TMEM106B: variants seen among roughly 807,000 people sequenced by gnomAD.
The protein encoded by TMEM106B is transmembrane protein 106B.
TMEM106B carries 15 observed loss-of-function variants against 31.1 expected under a neutral mutation model. That is an observed-to-expected ratio of 0.48 (90% CI 0.32 to 0.74). The LOEUF is 0.74. Among genes scored for constraint, TMEM106B ranks in the 30% least tolerant of loss-of-function variants. The probability of loss-of-function intolerance (pLI) is 0.03; values close to 1 mark genes in which losing one functional copy is unlikely to be tolerated. For missense variants in TMEM106B, 283 were observed against 327.3 expected (o/e 0.86, Z 1.04); for synonymous variants, 126 against 112.5 (o/e 1.12, Z -0.76).
intron 4 of TMEM106B, among the ~76,000 whole-genome samples, chr7:12,226,280 T>C (rs1184405120): frequency 6.6e-6 from 1 of 152,194 alleles, no homozygotes; most frequent in African/African-American, 2.4e-5. Context: ...TGTAGCCTTG[T>C]AGTATAGTTT....
rs1000085553 is a variant in TMEM106B, at chr7:12,222,785, T to C, written c.282-1441T>C. ...GACTTAGCAAATTTGTGTTTGCTTG[T>C]ATTATTTTGTTTTTTAATAAACCAG... On this transcript the variant is annotated intron_variant, in intron 3 of 7. Transcript: ENST00000396668. 4.6e-5 allele frequency among the ~76,000 whole-genome samples: 7 copies of C among 152,340 alleles called. No individual in the cohort carries two copies. In the East Asian group the frequency reaches 1.2e-3, roughly 25 times the overall value.
At chr7:12,230,579 T>A (rs1418787226) in intron 6 of TMEM106B, 141 bp downstream of exon 6, 1 of 551,126 alleles carries the variant, frequency 1.8e-6, no homozygotes, top group Non-Finnish European at 3.1e-6. Context: ...TGGTCCTCTC[T>A]GTTCCTCTTT....
intron 4 of TMEM106B, among the ~76,000 whole-genome samples, chr7:12,227,820 A>C (rs1245717989): frequency 6.6e-6 from 1 of 151,782 alleles, no homozygotes; most frequent in Non-Finnish European, 1.5e-5. Context: ...TTTATTACTA[A>C]ATTTTTATTT....
chr7:12,224,330 A>G lies in TMEM106B; in HGVS notation c.386A>G (p.Lys129Arg), dbSNP rs150868186. Residue 129 changes from lysine (K) to arginine (R), a missense_variant, in exon 4 of 8, where the codon AAA becomes AGA. Physicochemically the swap from Lys to Arg is conservative, Grantham distance 26 (BLOSUM62 2). This residue lies in a region of TMEM106B where 201 missense variants were observed against 211.5 expected (regional missense o/e 0.95). Transcript: ENST00000396668. ...ATCGACGTGAAATACATTGGTGTAA[A>G]ATCAGCCTATGTCAGTTATGATGTT... ...RSIDVKYIGV[K>R]SAYVSYDVQK... is the part of the protein sequence containing the mutation. The G allele has an allele frequency of 1.2e-5, 19 of 1,613,862 alleles. No individual in the cohort carries two copies. The highest frequency in any genetic ancestry group is 1.4e-5 in the Non-Finnish European group (17 of 1,179,908).
intron 7 of TMEM106B, 140 bp downstream of exon 7, chr7:12,231,255 T>C: frequency 1.7e-6 from 1 of 593,508 alleles, no homozygotes; most frequent in Non-Finnish European, 3.0e-6. Flanking sequence ...TGAGTAAATA[T>C]CACCCACTTT....
At chr7:12,215,656 G>T in intron 2 of TMEM106B, 1 of 377,684 alleles carries the variant, frequency 2.6e-6, no homozygotes, top group Non-Finnish European at 5.7e-6. Flanking sequence ...GGGCTCAAGC[G>T]ATCATCCAGC....
At chr7:12,223,520 G>A (rs1240775329) in intron 3 of TMEM106B, among the ~76,000 whole-genome samples, 4 of 149,368 alleles carry the variant, frequency 2.7e-5, no homozygotes, top group Non-Finnish European at 5.9e-5. Flanking sequence ...TGGTTCTGAT[G>A]AGCAGTCACT....
chr7:12,241,638 A>T lies in TMEM106B; in HGVS notation c.*9663A>T, dbSNP rs954773414. 3 of 152,228 alleles carry T rather than the reference A, an allele frequency of 2.0e-5. No individual in the cohort carries two copies. The highest frequency in any genetic ancestry group is 7.2e-5 in the African/African-American group (3 of 41,508). 9.4% of individuals were successfully genotyped at this position (152,228 alleles called of 1,614,324 possible). A position where few individuals can be genotyped will look rare whatever the true frequency, so the allele number is the denominator to read the frequency against. On this transcript the variant is annotated 3_prime_UTR_variant, in exon 8 of 8. Transcript: ENST00000396668. The stretch of plus-strand genomic sequence containing the variant: ...GGTGTATATATGCCACATTTTCTTT[A>T]TCCAGTCTATCATTGATGGACATTT...
Position 12,236,057 on chromosome 7 carries a change from C to A in TMEM106B, c.*4082C>A, listed in dbSNP as rs1782129194. The stretch of plus-strand genomic sequence containing the variant: ...GGAGTAAAAAGACTGTTAAACATTT[C>A]TTTTAAAAAATTATTTTTACATTAC... On this transcript the variant is annotated 3_prime_UTR_variant, in exon 8 of 8. Transcript: ENST00000396668. The A allele has an allele frequency of 6.6e-6, 1 of 151,786 alleles. No homozygotes were observed. The highest frequency in any genetic ancestry group is 2.1e-4 in the South Asian group (1 of 4,826). 9.4% of individuals were successfully genotyped at this position (151,786 alleles called of 1,614,324 possible). A position where few individuals can be genotyped will look rare whatever the true frequency, so the allele number is the denominator to read the frequency against.
intron 2 of TMEM106B, among the ~76,000 whole-genome samples, chr7:12,217,560 G>A (rs191543006): frequency 2.0e-5 from 3 of 152,254 alleles, no homozygotes; most frequent in Non-Finnish European, 2.9e-5. Flanking sequence ...TATATGCATA[G>A]GAGCCAGAGG....
At position 12,237,810 on chromosome 7, in the gene TMEM106B, T is replaced by TACACACAC. The variant is rs1441274612; in HGVS notation, c.*5836_*5837insCACACACA. ...ACATGGCGAGACCCCATATAAAATA[T>TACACACAC]ATACATACACACACACACACACACA... On this transcript the variant is annotated 3_prime_UTR_variant, in exon 8 of 8. Coordinates refer to ENST00000396668, the MANE Select transcript of TMEM106B (RefSeq NM_001134232.2). The TACACACAC allele has an allele frequency of 0.019, 2,197 of 117,824 alleles. 33 individuals are homozygous for TACACACAC. The highest frequency in any genetic ancestry group is 0.062 in the East Asian group (279 of 4,468). 7.3% of individuals were successfully genotyped at this position (117,824 alleles called of 1,614,324 possible).
chr7:12,230,410 G>C lies in TMEM106B; in HGVS notation c.604G>C (p.Val202Leu). The change falls in exon 6 of 8, where the codon GTT becomes CTT. Residue 202 changes from valine (V) to leucine (L), a missense_variant. This residue lies in a region of TMEM106B where 201 missense variants were observed against 211.5 expected (regional missense o/e 0.95). Transcript: ENST00000396668. ...MKQIDYTVPT[V>L]IAEEMSYMYD... is the part of the protein sequence containing the mutation. ...TCAGATTGATTACACAGTACCTACC[G>C]TTATAGCAGAGGAAATGAGTTATAT... 1 of 1,602,666 alleles carries C rather than the reference G, an allele frequency of 6.2e-7. No homozygotes were observed. Among genetic ancestry groups the C allele is most frequent in the Non-Finnish European group, 8.5e-7 (1 of 1,172,672 alleles).
rs1051035527 is a variant in TMEM106B at position 12,240,911 on chromosome 7, T to G, written c.*8936T>G. On this transcript the variant is annotated 3_prime_UTR_variant, in exon 8 of 8. Transcript: ENST00000396668. ...ACTTCTTCAGTGATAACTTACTGAG[T>G]GTGATTCAACAAAACTGCTTTGGTT... The G allele has an allele frequency of 5.9e-5, 9 of 152,146 alleles. No homozygotes were observed. The highest frequency in any genetic ancestry group is 8.8e-5 in the Non-Finnish European group (6 of 68,028). The allele number at this position is 152,146 out of a possible 1,614,324, so 9.4% of individuals were successfully genotyped here.
chr7:12,231,827 T>C lies in TMEM106B; in HGVS notation c.687-10T>C. 6.3e-7 allele frequency: 1 copy of C among 1,587,778 alleles called. No individual in the cohort carries two copies. The highest frequency in any genetic ancestry group is 8.6e-7 in the Non-Finnish European group (1 of 1,162,344). ...TATTAAATGTCTCTCCTCACTTACA[T>C]TATTTTTAGAGTTACTGTGACAACA... On this transcript the variant is annotated splice_polypyrimidine_tract_variant and intron_variant, in intron 7 of 7. Transcript: ENST00000396668.
At chr7:12,225,325 C>T (rs996315465) in intron 4 of TMEM106B, among the ~76,000 whole-genome samples, 2 of 152,156 alleles carry the variant, frequency 1.3e-5, no homozygotes, top group Non-Finnish European at 2.9e-5. Context: ...CTGCAATAAA[C>T]ATAACGTGTT....
intron 3 of TMEM106B, among the ~76,000 whole-genome samples, chr7:12,218,763 A>G (rs1260470036): frequency 6.6e-6 from 1 of 152,164 alleles, no homozygotes; most frequent in Non-Finnish European, 1.5e-5. Context: ...GATCTAGAAT[A>G]GCAGTACAAA....
chr7:12,237,956 T>C lies in TMEM106B; in HGVS notation c.*5981T>C, dbSNP rs1782173066. 1 of 152,224 alleles carries C rather than the reference T, an allele frequency of 6.6e-6. No individual in the cohort carries two copies. The highest frequency in any genetic ancestry group is 1.5e-5 in the Non-Finnish European group (1 of 68,092). 9.4% of individuals were successfully genotyped at this position (152,224 alleles called of 1,614,324 possible). On this transcript the variant is annotated 3_prime_UTR_variant, in exon 8 of 8. Coordinates refer to ENST00000396668, the MANE Select transcript of TMEM106B (RefSeq NM_001134232.2). The stretch of plus-strand genomic sequence containing the variant: ...TGGATGTTGTTTGCTGATAGATCCA[T>C]GTAGTGGTTACTAAAGTTGGGGTGG...
chr7:12,233,150 C>T lies in TMEM106B; in HGVS notation c.*1175C>T. 1 of 150,510 alleles carries T rather than the reference C, an allele frequency of 6.6e-6. No homozygotes were observed. Among genetic ancestry groups the T allele is most frequent in the East Asian group, 1.9e-4 (1 of 5,160 alleles). 9.3% of individuals were successfully genotyped at this position (150,510 alleles called of 1,614,324 possible). A position where few individuals can be genotyped will look rare whatever the true frequency, so the allele number is the denominator to read the frequency against. On this transcript the variant is annotated 3_prime_UTR_variant, in exon 8 of 8. Coordinates refer to ENST00000396668, the MANE Select transcript of TMEM106B (RefSeq NM_001134232.2). ...GTAGTTACTTTTTTATAGTTTTCTA[C>T]TTTTGGTTTTATTTAAAATTGTTTT...
rs1055206767 is a variant in TMEM106B, at chr7:12,236,210, T to G, written c.*4235T>G. 49 of 151,962 alleles carry G rather than the reference T, an allele frequency of 3.2e-4. No individual in the cohort carries two copies. The highest frequency in any genetic ancestry group is 1.2e-3 in the African/African-American group (49 of 41,434). The allele number at this position is 151,962 out of a possible 1,614,324, so 9.4% of individuals were successfully genotyped here. On this transcript the variant is annotated 3_prime_UTR_variant, in exon 8 of 8. Coordinates refer to ENST00000396668, the MANE Select transcript of TMEM106B (RefSeq NM_001134232.2). ...AACTAACATTTGTGTATTTTTGTGC[T>G]TAGTCGGAATACAAATTTCACAGTG... is the stretch of plus-strand genomic sequence containing the variant.
Sources: allele counts gnomAD v4.1 joint callset (sites outside exome capture counted in the v4.1 genomes callset), GRCh38; gene constraint gnomAD v4.1.1; regional missense constraint gnomAD v4.1.1; transcripts MANE v1.5; gene names NCBI Gene and HGNC (gene_info 2026-07-23, HGNC 2026-07-21).